Variants in ROR1 observed in about 807,000 individuals in gnomAD.
The protein encoded by ROR1 is ROR family WNT receptor 1.
Under a neutral mutation model 78.8 loss-of-function variants are expected in ROR1, and 19 were observed. That is an observed-to-expected ratio of 0.24 (90% CI 0.17 to 0.35). The LOEUF (loss-of-function observed/expected upper bound fraction) is 0.35. Among genes scored for constraint, ROR1 ranks in the 10% least tolerant of loss-of-function variants. ROR1 has a pLI of 1.00. For synonymous variants in ROR1, 386 were observed against 433.6 expected (o/e 0.89, Z 1.36); for missense variants, 917 against 1,177.8 (o/e 0.78, Z 3.24).
At chr1:64,030,889 G>T (rs1646654792) in intron 2 of ROR1, among the ~76,000 whole-genome samples, 1 of 152,114 alleles carries the variant, frequency 6.6e-6, no homozygotes, top group African/African-American at 2.4e-5. Context: ...GTATGTGTGT[G>T]TACATATGTA....
At chr1:64,172,299 C>T (rs991219216) in intron 8 of ROR1, among the ~76,000 whole-genome samples, 2 of 152,088 alleles carry the variant, frequency 1.3e-5, no homozygotes, top group African/African-American at 2.4e-5. Flanking sequence ...ATTTTCCTTC[C>T]GTAAAGAGTT....
intron 1 of ROR1, among the ~76,000 whole-genome samples, chr1:63,813,874 T>C (rs1644874668): frequency 6.6e-6 from 1 of 152,264 alleles, no homozygotes; most frequent in African/African-American, 2.4e-5. Context: ...ACTTAATTGC[T>C]AGTCTGTGGG....
At chr1:63,849,723 T>C (rs1318146646) in intron 1 of ROR1, among the ~76,000 whole-genome samples, 2 of 152,114 alleles carry the variant, frequency 1.3e-5, no homozygotes, top group Non-Finnish European at 2.9e-5. Flanking sequence ...ATAACTAAAG[T>C]GCTCCACAAC....
At chr1:63,849,375 T>C (rs1292326244) in intron 1 of ROR1, among the ~76,000 whole-genome samples, 2 of 151,916 alleles carry the variant, frequency 1.3e-5, no homozygotes, top group Non-Finnish European at 2.9e-5. Flanking sequence ...TGCAGAGGAG[T>C]TTGTGATGGC....
intron 4 of ROR1, among the ~76,000 whole-genome samples, chr1:64,069,534 G>GTGTGTT (rs1270182384): frequency 2.0e-5 from 3 of 152,110 alleles, no homozygotes; most frequent in African/African-American, 7.2e-5. Flanking sequence ...GTGTGTGTGT[G>GTGTGTT]TGTGTACACG....
At chr1:63,790,910 C>A (rs944812727) in intron 1 of ROR1, among the ~76,000 whole-genome samples, 3 of 152,172 alleles carry the variant, frequency 2.0e-5, no homozygotes, top group African/African-American at 7.2e-5. Context: ...CCAGAAATGC[C>A]CCCTTGTCTC....
chr1:64,061,851 G>A (rs1646919210), intron 4 of ROR1, among the ~76,000 whole-genome samples: 1 of 152,030 alleles, frequency 6.6e-6, no homozygotes, highest in South Asian at 2.1e-4. Context: ...CATTTCCTCT[G>A]TTATAGTAAG....
Position 63,776,467 on chromosome 1 carries a change from G to A in ROR1, c.91+1959G>A, listed in dbSNP as rs139696383. On this transcript the variant is annotated intron_variant, in intron 1 of 8. Transcript: ENST00000371079. The stretch of plus-strand genomic sequence containing the variant: ...ACTCTAAGGGGGTCCACGTGAGAGG[G>A]TCATGATGGGTACATGACTGGGGGC... Among the ~76,000 whole-genome samples the A allele has an allele frequency of 4.1e-4, 63 of 152,314 alleles. No homozygotes were observed. In the Middle Eastern group the frequency reaches 0.01, roughly 25 times the overall value.
rs780721663 is a variant in ROR1 at position 64,177,617 on chromosome 1, C to T, written c.1576C>T (p.Leu526=). Residue 526 remains leucine, a synonymous_variant, in exon 9 of 9, where the codon CTA becomes TTA. Coordinates refer to ENST00000371079, the MANE Select transcript of ROR1 (RefSeq NM_005012.4). ...GACGGAATTTCAACAAGAAGCCTCC[C>T]TAATGGCAGAACTGCACCACCCCAA... The part of the protein sequence containing the change: ...QWTEFQQEAS[L]MAELHHPNIV... 1.4e-5 allele frequency: 22 copies of T among 1,614,068 alleles called. No individual in the cohort carries two copies. Among genetic ancestry groups the T allele is most frequent in the East Asian group, 2.2e-5 (1 of 44,880 alleles).
intron 1 of ROR1, among the ~76,000 whole-genome samples, chr1:63,924,583 G>A (rs568692065): frequency 4.6e-5 from 7 of 152,180 alleles, no homozygotes; most frequent in South Asian, 2.1e-4. Flanking sequence ...TCATTCACTC[G>A]TTCAGTTATT....
chr1:64,169,524 A>T (rs1650180122), intron 8 of ROR1, among the ~76,000 whole-genome samples: 1 of 152,122 alleles, frequency 6.6e-6, no homozygotes, highest in African/African-American at 2.4e-5. Flanking sequence ...CTCCCACACC[A>T]TATGGGAATT....
chr1:64,065,821 C>T (rs1314995741), intron 4 of ROR1, among the ~76,000 whole-genome samples: 3 of 152,192 alleles, frequency 2.0e-5, no homozygotes, highest in Non-Finnish European at 4.4e-5. Context: ...AGTTTCAGAG[C>T]ATCATTTATC....
rs1171794738 is a variant in ROR1, at chr1:63,995,051, G to T, written c.92-14254G>T. Among the ~76,000 whole-genome samples the T allele has an allele frequency of 2.0e-5, 3 of 152,174 alleles. No homozygotes were observed. In the East Asian group the frequency reaches 5.8e-4, roughly 29 times the overall value. ...GTTCCTATGCAGGCAGCGACAAACA[G>T]CTAGGTTGTTTATAAAAGCTGCAGG... On this transcript the variant is annotated intron_variant, in intron 1 of 8. Coordinates refer to ENST00000371079, the MANE Select transcript of ROR1 (RefSeq NM_005012.4).
rs138876549 is a variant in ROR1, at chr1:63,945,458, G to A, written c.92-63847G>A. Among the ~76,000 whole-genome samples the A allele has an allele frequency of 2.4e-3, 367 of 152,144 alleles. 1 individual carries two copies. Among genetic ancestry groups the A allele is most frequent in the African/African-American group, 8.4e-3 (350 of 41,502 alleles). On this transcript the variant is annotated intron_variant, in intron 1 of 8. Transcript: ENST00000371079. Reference sequence around the variant, plus strand: ...CATGGAATTGATTTAATGATCTGTTGTACAGTCCCCTGACCTATAGTTTGA... The same window carrying A: ...CATGGAATTGATTTAATGATCTGTTATACAGTCCCCTGACCTATAGTTTGA...
rs1646754759 is a variant in ROR1, at chr1:64,042,772, TTTA to T, written c.164-6915_164-6913del. ...GATTTAGATTATGCTTTGCATTGAG[TTTA>T]TTAAGATAAAAAATATTTCCCGAGA... On this transcript the variant is annotated intron_variant, in intron 2 of 8. Coordinates refer to ENST00000371079, the MANE Select transcript of ROR1 (RefSeq NM_005012.4). 2.0e-5 allele frequency among the ~76,000 whole-genome samples: 3 copies of T among 152,176 alleles called. No homozygotes were observed. The South Asian group carries it at 6.2e-4, about 32-fold the overall frequency.
intron 1 of ROR1, among the ~76,000 whole-genome samples, chr1:64,003,062 A>G (rs1395760292): frequency 4.6e-5 from 7 of 152,110 alleles, no homozygotes; most frequent in Non-Finnish European, 8.8e-5. Flanking sequence ...ATTCTGCCTC[A>G]GGTTCATCAA....
At chr1:64,130,480 C>T (rs1648873662) in intron 4 of ROR1, among the ~76,000 whole-genome samples, 1 of 152,152 alleles carries the variant, frequency 6.6e-6, no homozygotes, top group Non-Finnish European at 1.5e-5. Flanking sequence ...CTTCCTGGAT[C>T]CTCACCCTCC....
intron 4 of ROR1, among the ~76,000 whole-genome samples, chr1:64,077,697 G>A (rs1647062814): frequency 1.3e-5 from 2 of 152,218 alleles, no homozygotes. Flanking sequence ...CTCCCCACTG[G>A]GGAGGCAGCC....
rs543006832 is a variant in ROR1, at chr1:64,104,123, T to G, written c.483-33246T>G. Among the ~76,000 whole-genome samples the G allele has an allele frequency of 7.9e-5, 12 of 152,278 alleles. No homozygotes were observed. The South Asian group carries it at 2.5e-3, about 32-fold the overall frequency. ...GGCTATATATCTATGTTATCTTATA[T>G]TACCCTTAGGACATTTCTTAAAACA... On this transcript the variant is annotated intron_variant, in intron 4 of 8. Transcript: ENST00000371079.
Sources: allele counts gnomAD v4.1 joint callset (sites outside exome capture counted in the v4.1 genomes callset), GRCh38; gene constraint gnomAD v4.1.1; transcripts MANE v1.5; gene names NCBI Gene and HGNC (gene_info 2026-07-23, HGNC 2026-07-21).